CCDC148: variants seen among roughly 807,000 people sequenced by gnomAD.
CCDC148 encodes coiled-coil domain containing 148, also known as coiled-coil domain-containing protein 148.
Under a neutral mutation model 85.7 loss-of-function variants are expected in CCDC148, and 89 were observed. That is an observed-to-expected ratio of 1.04 (90% CI 0.87 to 1.24). CCDC148 has a LOEUF of 1.24. Among genes scored for constraint, CCDC148 ranks in the 50% most tolerant of loss-of-function variants. The pLI, the probability that CCDC148 is intolerant of heterozygous loss-of-function variation, is 0.00. For missense variants in CCDC148, 692 were observed against 671.7 expected (o/e 1.03, Z -0.33); for synonymous variants, 230 against 213.9 (o/e 1.08, Z -0.66).
intron 10 of CCDC148, among the ~76,000 whole-genome samples, chr2:158,241,620 A>G (rs1403909848): frequency 6.6e-6 from 1 of 152,096 alleles, no homozygotes. Context: ...TTTTGTTTGG[A>G]CCCTTAATGC....
In CCDC148 at chr2:158,332,133, A is replaced by G. The variant is rs368424973; in HGVS notation, c.764+6593T>C. Among the ~76,000 whole-genome samples, 132 of 152,210 alleles carry G rather than the reference A, an allele frequency of 8.7e-4. 1 individual carries two copies. In the East Asian group the frequency reaches 0.021, roughly 24 times the overall value. ...TCTTTACAATTTGGCATGTTTTTGCAGTGGCTGGTACTGGTTGTTCCTTTC... is the reference window on the plus strand; with the variant it reads ...TCTTTACAATTTGGCATGTTTTTGCGGTGGCTGGTACTGGTTGTTCCTTTC... On this transcript the variant is annotated intron_variant, in intron 7 of 13. Transcript: ENST00000283233.
At chr2:158,243,574 T>C (rs1379023235) in intron 10 of CCDC148, among the ~76,000 whole-genome samples, 1 of 152,148 alleles carries the variant, frequency 6.6e-6, no homozygotes, top group Non-Finnish European at 1.5e-5. Flanking sequence ...CTCTTAAGCT[T>C]CCTGGAGGCC....
rs574334008 is a variant in CCDC148 at position 158,292,195 on chromosome 2, T to C, written c.1110+17238A>G. Reference sequence around the variant, plus strand: ...AAACATTTATTATAATAAAACAATATTGGAGAAACTCAATATACATTATTT... The same window carrying C: ...AAACATTTATTATAATAAAACAATACTGGAGAAACTCAATATACATTATTT... On this transcript the variant is annotated intron_variant, in intron 9 of 13. Coordinates refer to ENST00000283233, the MANE Select transcript of CCDC148 (RefSeq NM_138803.4). 4.3e-4 allele frequency among the ~76,000 whole-genome samples: 65 copies of C among 152,238 alleles called. 1 individual carries two copies. Among genetic ancestry groups the C allele is most frequent in the African/African-American group, 1.5e-3 (62 of 41,542 alleles).
At chr2:158,414,526 A>G (rs1269507640) in intron 1 of CCDC148, among the ~76,000 whole-genome samples, 1 of 152,172 alleles carries the variant, frequency 6.6e-6, no homozygotes, top group Admixed American at 6.5e-5. Context: ...GCACACGTAT[A>G]CATATGTAAC....
intron 11 of CCDC148, among the ~76,000 whole-genome samples, chr2:158,187,321 C>A (rs1685200605): frequency 6.6e-6 from 1 of 152,006 alleles, no homozygotes; most frequent in African/African-American, 2.4e-5. Context: ...CTCTAACCAA[C>A]CACCTTCCAT....
At chr2:158,301,439 C>G (rs1429786303) in intron 9 of CCDC148, among the ~76,000 whole-genome samples, 1 of 152,170 alleles carries the variant, frequency 6.6e-6, no homozygotes, top group African/African-American at 2.4e-5. Context: ...ATTCAGCCTT[C>G]TAAGTTGATA....
chr2:158,215,642 C>T (rs1558988521), intron 11 of CCDC148, among the ~76,000 whole-genome samples: 2 of 151,754 alleles, frequency 1.3e-5, no homozygotes, highest in African/African-American at 4.8e-5. Flanking sequence ...TGTGCTGCAC[C>T]TTTTTCTAAC....
At chr2:158,207,898 C>T (rs964383687) in intron 11 of CCDC148, among the ~76,000 whole-genome samples, 25 of 151,904 alleles carry the variant, frequency 1.6e-4, no homozygotes, top group Non-Finnish European at 2.8e-4. Flanking sequence ...GAATTGTGAT[C>T]TTGACCAAAT....
chr2:158,174,319 A>G (rs1684465443), intron 13 of CCDC148, among the ~76,000 whole-genome samples: 1 of 152,064 alleles, frequency 6.6e-6, no homozygotes. Flanking sequence ...TCTTAATATT[A>G]CTTGTTGTCT....
At position 158,171,273 on chromosome 2, in the gene CCDC148, T is replaced by G. The variant is rs1250042627; in HGVS notation, c.*840A>C. On this transcript the variant is annotated 3_prime_UTR_variant, in exon 14 of 14. Transcript: ENST00000283233. ...GAGCTGCAATAGACAGAAAAAGGAG[T>G]GGGGTAATCTTAACTGTAACAATGG... The G allele has an allele frequency of 6.7e-6, 1 of 149,414 alleles. No homozygotes were observed. The highest frequency in any genetic ancestry group is 2.0e-4 in the East Asian group (1 of 5,052). The allele number at this position is 149,414 out of a possible 1,614,324, so 9.3% of individuals were successfully genotyped here.
chr2:158,386,293 G>A (rs1179521286), intron 1 of CCDC148, among the ~76,000 whole-genome samples: 1 of 152,046 alleles, frequency 6.6e-6, no homozygotes, highest in East Asian at 1.9e-4. Flanking sequence ...GAGAAACCAT[G>A]TTTTGAAACA....
At chr2:158,177,894 C>T (rs559000474) in intron 12 of CCDC148, among the ~76,000 whole-genome samples, 2 of 152,190 alleles carry the variant, frequency 1.3e-5, no homozygotes, top group South Asian at 4.1e-4. Context: ...TCTGTTTCCT[C>T]TCCTATAAAA....
intron 9 of CCDC148, among the ~76,000 whole-genome samples, chr2:158,308,460 A>G (rs1422739639): frequency 7.9e-6 from 1 of 126,236 alleles, no homozygotes; most frequent in Non-Finnish European, 1.7e-5. Context: ...GTCAAAAGAA[A>G]TATCTTTTTG....
At chr2:158,358,258 G>C (rs1683760094) in intron 2 of CCDC148, among the ~76,000 whole-genome samples, 191 bp downstream of exon 2, 1 of 152,172 alleles carries the variant, frequency 6.6e-6, no homozygotes, top group Non-Finnish European at 1.5e-5. Context: ...GGTAATGTAT[G>C]AATGCATGTA....
Position 158,297,736 on chromosome 2 carries a change from A to T in CCDC148, c.1110+11697T>A, listed in dbSNP as rs112417132. On this transcript the variant is annotated intron_variant, in intron 9 of 13. Transcript: ENST00000283233. ...GACTAAGTTTCCAGAAATAACATCC[A>T]GAATCATGTACCACAGAGCTGGTCT... 5.1e-3 allele frequency among the ~76,000 whole-genome samples: 783 copies of T among 152,304 alleles called. 4 individuals are homozygous for T. Among genetic ancestry groups the T allele is most frequent in the Middle Eastern group, 0.027 (8 of 294 alleles).
intron 1 of CCDC148, among the ~76,000 whole-genome samples, chr2:158,441,780 T>C (rs551105334): frequency 1.3e-5 from 2 of 152,310 alleles, no homozygotes; most frequent in South Asian, 4.1e-4. Context: ...GAAATACTCA[T>C]TGATTTATCC....
chr2:158,404,072 G>C (rs1685898446), intron 1 of CCDC148, among the ~76,000 whole-genome samples: 1 of 152,088 alleles, frequency 6.6e-6, no homozygotes, highest in Non-Finnish European at 1.5e-5. Context: ...TATGCTCTGT[G>C]CAGTAATAAA....
chr2:158,282,382 T>C (rs1488597141), intron 9 of CCDC148, among the ~76,000 whole-genome samples: 5 of 152,182 alleles, frequency 3.3e-5, no homozygotes, highest in Non-Finnish European at 5.9e-5. Flanking sequence ...GAAAATCCCA[T>C]TGTCTCAGAC....
intron 7 of CCDC148, among the ~76,000 whole-genome samples, chr2:158,330,180 C>T (rs1693020553): frequency 6.6e-6 from 1 of 152,064 alleles, no homozygotes; most frequent in African/African-American, 2.4e-5. Context: ...GAGATACGTC[C>T]CATCAATACC....
Sources: gnomAD v4.1 joint callset for allele counts (sites outside exome capture counted in the v4.1 genomes callset) on GRCh38, gnomAD v4.1.1 for gene constraint, MANE v1.5 for transcripts, NCBI Gene and HGNC (gene_info 2026-07-23, HGNC 2026-07-21) for gene names.